NYAP2: variants seen among roughly 807,000 people sequenced by gnomAD.
The protein encoded by NYAP2 is neuronal tyrosine-phosphorylated phosphoinositide-3-kinase adaptor 2, also known as neuronal tyrosine-phosphorylated phosphoinositide-3-kinase adapter 2.
A neutral mutation model predicts 50.4 loss-of-function variants in NYAP2; 23 were observed. That is an observed-to-expected ratio of 0.46 (90% CI 0.33 to 0.65). NYAP2 has a LOEUF of 0.65. NYAP2 is among the 30% of genes least tolerant of loss of function. The pLI, the probability that NYAP2 is intolerant of heterozygous loss-of-function variation, is 0.02. For synonymous variants in NYAP2, 394 were observed against 365.2 expected, an observed-to-expected ratio of 1.08 and a Z score of -0.90; for missense variants, 885 against 861.0, an observed-to-expected ratio of 1.03 and a Z score of -0.35.
At chr2:225,475,113 C>G (rs762269881) in intron 3 of NYAP2, among the ~76,000 whole-genome samples, 2 of 152,136 alleles carry the variant, frequency 1.3e-5, no homozygotes, top group African/African-American at 4.8e-5. Context: ...GTACAGAAAA[C>G]TATAGCAAAA....
intron 4 of NYAP2, among the ~76,000 whole-genome samples, chr2:225,536,443 A>G (rs1002045849): frequency 6.6e-6 from 1 of 152,238 alleles, no homozygotes; most frequent in African/African-American, 2.4e-5. Flanking sequence ...TAGTGGCCAC[A>G]CATTATGGAA....
intron 3 of NYAP2, among the ~76,000 whole-genome samples, chr2:225,472,478 T>G (rs1420330573): frequency 2.0e-5 from 3 of 152,146 alleles, no homozygotes; most frequent in Non-Finnish European, 4.4e-5. Flanking sequence ...TGACAGCATT[T>G]GGTACAGAGG....
At chr2:225,577,758 C>T (rs561364497) in intron 4 of NYAP2, among the ~76,000 whole-genome samples, 1 of 151,442 alleles carries the variant, frequency 6.6e-6, no homozygotes, top group African/African-American at 2.4e-5. Context: ...TGATTTACCT[C>T]GAAGAACCAT....
chr2:225,527,817 T>G (rs1490516201), intron 4 of NYAP2, among the ~76,000 whole-genome samples: 1 of 152,114 alleles, frequency 6.6e-6, no homozygotes, highest in Non-Finnish European at 1.5e-5. Flanking sequence ...TCAGCTAATT[T>G]TTCTATTTTT....
chr2:225,681,945 C>T, the NYAP2 span, among the ~76,000 whole-genome samples: 6 of 152,146 alleles, frequency 3.9e-5, no homozygotes, highest in Non-Finnish European at 7.4e-5. Flanking sequence ...GGAAGACCCC[C>T]GGCAGATTGC....
intron 3 of NYAP2, among the ~76,000 whole-genome samples, chr2:225,437,714 T>A (rs758805502): frequency 7.2e-5 from 11 of 152,204 alleles, no homozygotes; most frequent in Non-Finnish European, 1.3e-4. Flanking sequence ...CACGTAAACA[T>A]CTGATTTAAT....
chr2:225,433,523 TTAAAA>T (rs1689307010), intron 3 of NYAP2, among the ~76,000 whole-genome samples: 1 of 152,112 alleles, frequency 6.6e-6, no homozygotes, highest in Admixed American at 6.6e-5. Flanking sequence ...AAAAAAAAAT[TTAAAA>T]TATATATAGC....
Position 225,408,771 on chromosome 2 carries a change from A to G in NYAP2, c.-17-93A>G, listed in dbSNP as rs1168675236. ...ATTTTCTCCAATCGGATTTGGCCAT[A>G]ATTATTGGAGTTTTGAGTTGTTAGG... On this transcript the variant is annotated intron_variant, in intron 2 of 6. Transcript: ENST00000636099. 1.8e-5 allele frequency: 12 copies of G among 655,280 alleles called. No homozygotes were observed. In the East Asian group the frequency reaches 3.1e-4, roughly 17 times the overall value. The allele number at this position is 655,280 out of a possible 1,614,324, so 40.6% of individuals were successfully genotyped here.
intron 3 of NYAP2, among the ~76,000 whole-genome samples, chr2:225,465,485 G>C (rs1689901985): frequency 6.6e-6 from 1 of 152,062 alleles, no homozygotes; most frequent in Non-Finnish European, 1.5e-5. Flanking sequence ...GGGAGGCCGA[G>C]GTGGGCGGAT....
chr2:225,652,773 A>G (rs1693757896), exon 7 of NYAP2: 1 of 152,212 alleles, frequency 6.6e-6, no homozygotes, highest in African/African-American at 2.4e-5. Flanking sequence ...TTTAAATGTC[A>G]GGCTATTTTA....
rs75169704 is a variant in NYAP2 at position 225,516,219 on chromosome 2, C to A, written c.523+2547C>A. On this transcript the variant is annotated intron_variant, in intron 4 of 6. Transcript: ENST00000636099. ...TCCTGGGGCAGAGAGTATCATAATT[C>A]TCTCTCAGATGCCTTCACCATCTAA... is the stretch of plus-strand genomic sequence containing the variant. Among the ~76,000 whole-genome samples, 1,004 of 152,226 alleles carry A rather than the reference C, an allele frequency of 6.6e-3. 15 individuals are homozygous for A. Among genetic ancestry groups the A allele is most frequent in the African/African-American group, 0.022 (901 of 41,534 alleles).
chr2:225,569,845 C>A (rs1559217236), intron 4 of NYAP2, among the ~76,000 whole-genome samples: 1 of 152,106 alleles, frequency 6.6e-6, no homozygotes, highest in Non-Finnish European at 1.5e-5. Flanking sequence ...GGTTATGGAA[C>A]CTAATATTTT....
intron 5 of NYAP2, among the ~76,000 whole-genome samples, chr2:225,619,535 C>T (rs1361787766): frequency 6.6e-6 from 1 of 152,130 alleles, no homozygotes; most frequent in African/African-American, 2.4e-5. Context: ...GTAAAACCCA[C>T]TAATGTATGG....
the NYAP2 span, among the ~76,000 whole-genome samples, chr2:225,670,637 A>G: frequency 6.7e-6 from 1 of 149,230 alleles, no homozygotes; most frequent in South Asian, 2.1e-4. Flanking sequence ...AAAAATTCCT[A>G]CATAGGCTTT....
At chr2:225,520,570 A>G (rs1691034175) in intron 4 of NYAP2, among the ~76,000 whole-genome samples, 1 of 152,184 alleles carries the variant, frequency 6.6e-6, no homozygotes, top group South Asian at 2.1e-4. Flanking sequence ...TTTGTCAAAG[A>G]TCAGATAGTT....
At chr2:225,588,794 C>T (rs1040814472) in intron 5 of NYAP2, among the ~76,000 whole-genome samples, 9 of 152,056 alleles carry the variant, frequency 5.9e-5, no homozygotes, top group Admixed American at 3.3e-4. Flanking sequence ...CAAGTTGACC[C>T]GAACAGGGGA....
At chr2:225,426,734 T>C (rs912137542) in intron 3 of NYAP2, among the ~76,000 whole-genome samples, 7 of 152,182 alleles carry the variant, frequency 4.6e-5, no homozygotes, top group African/African-American at 1.7e-4. Context: ...TAGTACAGTT[T>C]GATGATTATT....
At chr2:225,615,518 A>T (rs1036728519) in intron 5 of NYAP2, among the ~76,000 whole-genome samples, 2 of 152,220 alleles carry the variant, frequency 1.3e-5, no homozygotes, top group Non-Finnish European at 2.9e-5. Context: ...TCTATTTATT[A>T]TTCCATGCTA....
chr2:225,483,330 T>C (rs1258238024), intron 3 of NYAP2, among the ~76,000 whole-genome samples: 1 of 152,178 alleles, frequency 6.6e-6, no homozygotes, highest in East Asian at 1.9e-4. Flanking sequence ...ACTATAATTG[T>C]TAATTATGCA....
Sources: allele counts gnomAD v4.1 joint callset (sites outside exome capture counted in the v4.1 genomes callset), GRCh38; gene constraint gnomAD v4.1.1; transcripts MANE v1.5; gene names NCBI Gene and HGNC (gene_info 2026-07-23, HGNC 2026-07-21).